IRF2BPL: variants seen among roughly 807,000 people sequenced by gnomAD.
The protein encoded by IRF2BPL is interferon regulatory factor 2 binding protein like.
IRF2BPL carries 13 observed loss-of-function variants against 51.2 expected under a neutral mutation model. The observed-to-expected ratio is 0.25, with a 90% CI of 0.17 to 0.40. The LOEUF (loss-of-function observed/expected upper bound fraction) is 0.40, where lower values mean the gene tolerates loss of function less well. Ranked by LOEUF, IRF2BPL falls within the 10% of genes least tolerant of loss-of-function variation. The probability of loss-of-function intolerance (pLI) is 1.00; values close to 1 mark genes in which losing one functional copy is unlikely to be tolerated. For missense variants in IRF2BPL, 1,210 were observed against 1,111.8 expected (o/e 1.09, Z -1.26); for synonymous variants, 768 against 509.2 (o/e 1.51, Z -6.84).
Position 77,026,958 on chromosome 14 carries a change from G to A in IRF2BPL, c.835C>T (p.Leu279=), listed in dbSNP as rs746509798. 6.8e-6 allele frequency: 10 copies of A among 1,464,920 alleles called. No individual in the cohort carries two copies. In the African/African-American group the frequency reaches 1.1e-4, roughly 17 times the overall value. 90.7% of individuals were successfully genotyped at this position (1,464,920 alleles called of 1,614,324 possible). Reference sequence around the variant, plus strand: ...GGCGTCGGGGGCCCACGGCTGCCCAGGGCGTGGGGAGGGGGTGGGGGGAGT... The same window carrying A: ...GGCGTCGGGGGCCCACGGCTGCCCAAGGCGTGGGGAGGGGGTGGGGGGAGT... ...AVLPPPPPHA[L]GSRGPPTPAP... Residue 279 remains leucine (L), a synonymous_variant, in exon 1 of 1, where the codon CTG becomes TTG. Coordinates refer to ENST00000238647, the MANE Select transcript of IRF2BPL (RefSeq NM_024496.4).
At position 77,026,269 on chromosome 14, in the gene IRF2BPL, G is replaced by A. The variant is rs202040587; in HGVS notation, c.1524C>T (p.Pro508=). ...PYLDASCPML[P]TALVSLSRAP... ...CGCGGCTCAGACTCACCAGAGCAGTGGGCAGCATGGGACAGCTGGCGTCCA... is the reference window on the plus strand; with the variant it reads ...CGCGGCTCAGACTCACCAGAGCAGTAGGCAGCATGGGACAGCTGGCGTCCA... Residue 508 remains proline (P), a synonymous_variant, in exon 1 of 1, where the codon CCC becomes CCT. Coordinates refer to ENST00000238647, the MANE Select transcript of IRF2BPL (RefSeq NM_024496.4). 85 of 1,496,650 alleles carry A rather than the reference G, an allele frequency of 5.7e-5. No individual in the cohort carries two copies. Among genetic ancestry groups the A allele is most frequent in the Admixed American group, 7.1e-5 (3 of 42,352 alleles). The allele number at this position is 1,496,650 out of a possible 1,614,324, so 92.7% of individuals were successfully genotyped here.
Position 77,025,959 on chromosome 14 carries a change from G to C in IRF2BPL, c.1834C>G (p.Pro612Ala). 1 of 1,601,638 alleles carries C rather than the reference G, an allele frequency of 6.2e-7. No individual in the cohort carries two copies. Among genetic ancestry groups the C allele is most frequent in the Admixed American group, 1.7e-5 (1 of 58,332 alleles). ...PLGPHSNRTT[P>A]PESAPQNGPS... The stretch of plus-strand genomic sequence containing the variant: ...CCGTTCTGGGGGGCTGACTCAGGTG[G>C]GGTGGTCCGGTTGGAATGGGGTCCC... The change falls in exon 1 of 1, where the codon CCA becomes GCA. Residue 612 changes from proline to alanine, a missense_variant. Transcript: ENST00000238647.
At position 77,025,297 on chromosome 14, in the gene IRF2BPL, T is replaced by C; in HGVS notation, c.*105A>G. On this transcript the variant is annotated 3_prime_UTR_variant, in exon 1 of 1. Coordinates refer to ENST00000238647, the MANE Select transcript of IRF2BPL (RefSeq NM_024496.4). Reference sequence around the variant, plus strand: ...TGCAGTTTCGTTATATTCACAATTCTACACCTTGGGGGTGAGGGGAGGGAG... The same window carrying C: ...TGCAGTTTCGTTATATTCACAATTCCACACCTTGGGGGTGAGGGGAGGGAG... 3 of 739,888 alleles carry C rather than the reference T, an allele frequency of 4.1e-6. No homozygotes were observed. Among genetic ancestry groups the C allele is most frequent in the Non-Finnish European group, 6.5e-6 (3 of 463,856 alleles). The allele number at this position is 739,888 out of a possible 1,614,324, so 45.8% of individuals were successfully genotyped here.
Position 77,027,128 on chromosome 14 carries a change from G to A in IRF2BPL, c.665C>T (p.Ala222Val), listed in dbSNP as rs1393258897. The A allele has an allele frequency of 6.2e-7, 1 of 1,612,636 alleles. No individual in the cohort carries two copies. Among genetic ancestry groups the A allele is most frequent in the South Asian group, 1.1e-5 (1 of 90,916 alleles). The part of the protein sequence containing the change: ...NRQSPNSSSA[A>V]ASVASRRGTH... Reference sequence around the variant, plus strand: ...TCCACGCCGAGACGCCACCGACGCCGCCGCTGAAGAAGAATTGGGGCTCTG... The same window carrying A: ...TCCACGCCGAGACGCCACCGACGCCACCGCTGAAGAAGAATTGGGGCTCTG... Residue 222 changes from alanine to valine, a missense_variant, in exon 1 of 1, where the codon GCG becomes GTG. Coordinates refer to ENST00000238647, the MANE Select transcript of IRF2BPL (RefSeq NM_024496.4).
Position 77,025,712 on chromosome 14 carries a change from A to T in IRF2BPL, c.2081T>A (p.Met694Lys). 1 of 1,571,846 alleles carries T rather than the reference A, an allele frequency of 6.4e-7. No individual in the cohort carries two copies. The highest frequency in any genetic ancestry group is 8.6e-7 in the Non-Finnish European group (1 of 1,157,524). Residue 694 changes from methionine (M) to lysine (K), a missense_variant, in exon 1 of 1, where the codon ATG becomes AAG. By Grantham distance (95) the Met-to-Lys change is moderately conservative. Transcript: ENST00000238647. ...APPPPSAHPG[M>K]DQVHPQNIPD... ...AATGTTTTGGGGGTGCACTTGGTCC[A>T]TGCCCGGGTGGGCGCTAGGCGGCGG... is the stretch of plus-strand genomic sequence containing the variant.
Position 77,026,447 on chromosome 14 carries a change from A to C in IRF2BPL, c.1346T>G (p.Phe449Cys), listed in dbSNP as rs1477783961. The C allele has an allele frequency of 6.2e-7, 1 of 1,613,520 alleles. No homozygotes were observed. The highest frequency in any genetic ancestry group is 1.7e-5 in the Admixed American group (1 of 60,026). Residue 449 changes from phenylalanine (F) to cysteine (C), a missense_variant, in exon 1 of 1, where the codon TTC (phenylalanine) becomes TGC (cysteine). Coordinates refer to ENST00000238647, the MANE Select transcript of IRF2BPL (RefSeq NM_024496.4). The part of the protein sequence containing the change: ...KQMYQDCMKD[F>C]GRGLSSGFKY... ...GAAACCCGAGGATAGGCCCCGGCCG[A>C]AGTCCTTCATGCAGTCCTGATACAT...
chr14:77,027,293 T>C lies in IRF2BPL; in HGVS notation c.500A>G (p.Gln167Arg), dbSNP rs1885165338. Residue 167 changes from glutamine to arginine, a missense_variant, in exon 1 of 1, where the codon CAG (glutamine) becomes CGG (arginine). Transcript: ENST00000238647. ...AAAAAAAAVE[Q>R]RSRFEYPPPP... The stretch of plus-strand genomic sequence containing the variant: ...TGGCGGGTACTCGAAGCGGCTGCGC[T>C]GTTCCACCGCAGCGGCGGCGGCGGC... 1 of 1,570,650 alleles carries C rather than the reference T, an allele frequency of 6.4e-7. No individual in the cohort carries two copies.
In IRF2BPL at chr14:77,027,418, TTGCTGCTGCTGC is replaced by T. The variant is rs200317113; in HGVS notation, c.363_374del (p.Gln124_Gln127del). On this transcript the variant is annotated inframe_deletion, in exon 1 of 1. Coordinates refer to ENST00000238647, the MANE Select transcript of IRF2BPL (RefSeq NM_024496.4). ...AACCATCAACGTGGTTGAGCTGTTG[TTGCTGCTGCTGC>T]TGCTGCTGCTGCTGCTGCTGTTGCT... 8.1e-4 allele frequency: 1,119 copies of T among 1,385,368 alleles called. 3 individuals carry two copies. The highest frequency in any genetic ancestry group is 7.5e-3 in the African/African-American group (484 of 64,704). 85.8% of individuals were successfully genotyped at this position (1,385,368 alleles called of 1,614,324 possible).
In IRF2BPL at chr14:77,025,196, G is replaced by A. The variant is rs1442409698; in HGVS notation, c.*206C>T. On this transcript the variant is annotated 3_prime_UTR_variant, in exon 1 of 1. Coordinates refer to ENST00000238647, the MANE Select transcript of IRF2BPL (RefSeq NM_024496.4). ...ACACAAACCAGCTTATCCTTCAAAT[G>A]AAGAAGTTACATACCTTTGTTTCAA... is the stretch of plus-strand genomic sequence containing the variant. The A allele has an allele frequency of 4.5e-6, 2 of 440,156 alleles. No homozygotes were observed. Among genetic ancestry groups the A allele is most frequent in the Non-Finnish European group, 4.0e-6 (1 of 248,230 alleles). 27.3% of individuals were successfully genotyped at this position (440,156 alleles called of 1,614,324 possible).
chr14:77,027,496 GGCGGCGGCCGCC>G lies in IRF2BPL; in HGVS notation c.285_296del (p.Ala99_Ala102del). The G allele has an allele frequency of 1.5e-6, 1 of 680,508 alleles. No homozygotes were observed. Among genetic ancestry groups the G allele is most frequent in the Non-Finnish European group, 1.9e-6 (1 of 540,398 alleles). 42.2% of individuals were successfully genotyped at this position (680,508 alleles called of 1,614,324 possible). ...GTTGCTGTTGCTGTTGCGCGGCGGC[GGCGGCGGCCGCC>G]GCTGCTGCCGCCGCCGCCGCCGCTT... On this transcript the variant is annotated inframe_deletion, in exon 1 of 1. Coordinates refer to ENST00000238647, the MANE Select transcript of IRF2BPL (RefSeq NM_024496.4).
rs1368461584 is a variant in IRF2BPL at position 77,026,055 on chromosome 14, T to C, written c.1738A>G (p.Thr580Ala). Residue 580 changes from threonine to alanine, a missense_variant, in exon 1 of 1, where the codon ACC (threonine) becomes GCC (alanine). Coordinates refer to ENST00000238647, the MANE Select transcript of IRF2BPL (RefSeq NM_024496.4). ...MANQSEALKL[T>A]MSAGGFAAPG... ...GCCGCGAAGCCCCCGGCGGACATGG[T>C]GAGCTTCAGCGCCTCGCTCTGGTTC... is the stretch of plus-strand genomic sequence containing the variant. The C allele has an allele frequency of 8.3e-6, 13 of 1,568,138 alleles. No homozygotes were observed. The highest frequency in any genetic ancestry group is 6.8e-5 in the African/African-American group (5 of 73,606).
Position 77,028,188 on chromosome 14 carries a change from G to C in IRF2BPL, c.-396C>G, listed in dbSNP as rs892143636. On this transcript the variant is annotated 5_prime_UTR_variant, in exon 1 of 1. Transcript: ENST00000238647. Reference sequence around the variant, plus strand: ...CCCCTCCCCGGAGTGGCTGGTGCGTGGAAGCTCGAAAGGGGCTGTCTCTTC... The same window carrying C: ...CCCCTCCCCGGAGTGGCTGGTGCGTCGAAGCTCGAAAGGGGCTGTCTCTTC... 3 of 230,526 alleles carry C rather than the reference G, an allele frequency of 1.3e-5. No individual in the cohort carries two copies. The highest frequency in any genetic ancestry group is 2.3e-5 in the African/African-American group (1 of 43,516). The allele number at this position is 230,526 out of a possible 1,614,324, so 14.3% of individuals were successfully genotyped here.
Position 77,026,939 on chromosome 14 carries a change from G to A in IRF2BPL, c.854C>T (p.Pro285Leu). 6.8e-7 allele frequency: 1 copy of A among 1,466,390 alleles called. No homozygotes were observed. Among genetic ancestry groups the A allele is most frequent in the Middle Eastern group, 1.9e-4 (1 of 5,340 alleles). 90.8% of individuals were successfully genotyped at this position (1,466,390 alleles called of 1,614,324 possible). A position where few individuals can be genotyped will look rare whatever the true frequency, so the allele number is the denominator to read the frequency against. ...PPHALGSRGP[P>L]TPAPPGAPGG... ...AGGAGCCCCTGGGGGAGCAGGCGTC[G>A]GGGGCCCACGGCTGCCCAGGGCGTG... Residue 285 changes from proline to leucine, a missense_variant, in exon 1 of 1, where the codon CCG becomes CTG. Coordinates refer to ENST00000238647, the MANE Select transcript of IRF2BPL (RefSeq NM_024496.4).
In IRF2BPL at chr14:77,026,085, T is replaced by C. The variant is rs1314108934; in HGVS notation, c.1708A>G (p.Met570Val). 6.4e-7 allele frequency: 1 copy of C among 1,573,916 alleles called. No individual in the cohort carries two copies. Among genetic ancestry groups the C allele is most frequent in the Non-Finnish European group, 8.6e-7 (1 of 1,164,866 alleles). ...TTCAGCGCCTCGCTCTGGTTCGCCA[T>C]CCACTGCTGCCTCTGCTGTTCCTCG... is the stretch of plus-strand genomic sequence containing the variant. ...LGEEQQRQQW[M>V]ANQSEALKLT... is the part of the protein sequence containing the mutation. Residue 570 changes from methionine (M) to valine (V), a missense_variant, in exon 1 of 1, where the codon ATG becomes GTG. Met to Val is a conservative substitution (Grantham distance 21). Transcript: ENST00000238647.
Position 77,027,094 on chromosome 14 carries a change from A to C in IRF2BPL, c.699T>G (p.Gly233=). The change falls in exon 1 of 1, where the codon GGT becomes GGG. Residue 233 remains glycine (G), a synonymous_variant. Transcript: ENST00000238647. ...ASVASRRGTH[G]GLVTGLPNPG... is the part of the protein sequence containing the mutation. ...GGTTGGGCAGCCCCGTAACCAGCCC[A>C]CCGTGCGTTCCACGCCGAGACGCCA... is the stretch of plus-strand genomic sequence containing the variant. 1 of 1,609,990 alleles carries C rather than the reference A, an allele frequency of 6.2e-7. No homozygotes were observed. Among genetic ancestry groups the C allele is most frequent in the Non-Finnish European group, 8.5e-7 (1 of 1,178,828 alleles).
Position 77,028,662 on chromosome 14 carries a change from A to G in IRF2BPL, c.-870T>C. On this transcript the variant is annotated 5_prime_UTR_variant, in exon 1 of 1. Transcript: ENST00000238647. ...TTGTGATTGTTACTCTACGTTCCGGAGGCGCGTCTCGGCGCTCCTGCTCCG... is the reference window on the plus strand; with the variant it reads ...TTGTGATTGTTACTCTACGTTCCGGGGGCGCGTCTCGGCGCTCCTGCTCCG... The G allele has an allele frequency of 2.6e-6, 1 of 382,458 alleles. No individual in the cohort carries two copies. Among genetic ancestry groups the G allele is most frequent in the East Asian group, 3.7e-5 (1 of 26,886 alleles). 23.7% of individuals were successfully genotyped at this position (382,458 alleles called of 1,614,324 possible).
chr14:77,026,945 C>T lies in IRF2BPL; in HGVS notation c.848G>A (p.Gly283Glu). The change falls in exon 1 of 1, where the codon GGG (glycine) becomes GAG (glutamate). Residue 283 changes from glycine to glutamate, a missense_variant. Transcript: ENST00000238647. ...CCCTGGGGGAGCAGGCGTCGGGGGC[C>T]CACGGCTGCCCAGGGCGTGGGGAGG... ...PPPPHALGSR[G>E]PPTPAPPGAP... 1 of 1,463,678 alleles carries T rather than the reference C, an allele frequency of 6.8e-7. No individual in the cohort carries two copies. Among genetic ancestry groups the T allele is most frequent in the Non-Finnish European group, 9.0e-7 (1 of 1,108,920 alleles). 90.7% of individuals were successfully genotyped at this position (1,463,678 alleles called of 1,614,324 possible).
rs779525620 is a variant in IRF2BPL, at chr14:77,028,301, C to T, written c.-509G>A. The T allele has an allele frequency of 8.1e-6, 2 of 247,762 alleles. No individual in the cohort carries two copies. Among genetic ancestry groups the T allele is most frequent in the Non-Finnish European group, 1.6e-5 (2 of 121,934 alleles). 15.3% of individuals were successfully genotyped at this position (247,762 alleles called of 1,614,324 possible). A position where few individuals can be genotyped will look rare whatever the true frequency, so the allele number is the denominator to read the frequency against. On this transcript the variant is annotated 5_prime_UTR_variant, in exon 1 of 1. Transcript: ENST00000238647. ...CCAGAGGGTTCAGTGCCACCCGGTGCCCGGGTCCAATCTTGCTGAAGCCGC... is the reference window on the plus strand; with the variant it reads ...CCAGAGGGTTCAGTGCCACCCGGTGTCCGGGTCCAATCTTGCTGAAGCCGC...
rs778748620 is a variant in IRF2BPL, at chr14:77,026,410, C to T, written c.1383G>A (p.Glu461=). ...RGLSSGFKYL[E]YEKKHGSGDW... ...CCCCGGAGCCGTGCTTCTTTTCGTA[C>T]TCCAGGTACTTGAAACCCGAGGATA... is the stretch of plus-strand genomic sequence containing the variant. Residue 461 remains glutamate (E), a synonymous_variant, in exon 1 of 1, where the codon GAG becomes GAA. Coordinates refer to ENST00000238647, the MANE Select transcript of IRF2BPL (RefSeq NM_024496.4). The T allele has an allele frequency of 6.2e-7, 1 of 1,613,390 alleles. No homozygotes were observed. Among genetic ancestry groups the T allele is most frequent in the Non-Finnish European group, 8.5e-7 (1 of 1,180,000 alleles).
Sources: gnomAD v4.1 joint callset for allele counts on GRCh38, gnomAD v4.1.1 for gene constraint, MANE v1.5 for transcripts, NCBI Gene and HGNC (gene_info 2026-07-23, HGNC 2026-07-21) for gene names.